KIF5C: variants seen among roughly 807,000 people sequenced by gnomAD.
KIF5C encodes kinesin family member 5C.
A neutral mutation model predicts 125.2 loss-of-function variants in KIF5C; 18 were observed. That is an observed-to-expected ratio of 0.14 (90% confidence interval 0.10 to 0.21). The LOEUF (loss-of-function observed/expected upper bound fraction) is 0.21, where lower values mean the gene tolerates loss of function less well. KIF5C is among the 10% of genes least tolerant of loss of function. The pLI is 1.00. For missense variants in KIF5C, 780 were observed against 1,183.8 expected, an observed-to-expected ratio of 0.66 and a Z score of 5.01; for synonymous variants, 405 against 434.0, an observed-to-expected ratio of 0.93 and a Z score of 0.83.
chr2:149,021,588 A>G (rs1682536059), intron 25 of KIF5C, among the ~76,000 whole-genome samples: 1 of 152,126 alleles, frequency 6.6e-6, no homozygotes, highest in African/African-American at 2.4e-5. Context: ...AAATCAGAAG[A>G]GTGAAGAAAA....
At chr2:148,932,189 A>AT (rs1682198415) in intron 3 of KIF5C, among the ~76,000 whole-genome samples, 1 of 152,154 alleles carries the variant, frequency 6.6e-6, no homozygotes, top group Admixed American at 6.6e-5. Context: ...TGAAAGGAGG[A>AT]TTTTATGTAT....
At chr2:148,889,538 G>C (rs188945668) in intron 1 of KIF5C, among the ~76,000 whole-genome samples, 1 of 152,122 alleles carries the variant, frequency 6.6e-6, no homozygotes, top group Admixed American at 6.5e-5. Flanking sequence ...GACTAACTCA[G>C]GGTTCTTCTC....
chr2:148,934,478 CACAG>C (rs1341233893), intron 3 of KIF5C, among the ~76,000 whole-genome samples: 1 of 151,430 alleles, frequency 6.6e-6, no homozygotes, highest in Non-Finnish European at 1.5e-5. Context: ...ACACCACACA[CACAG>C]AGACACCCCC....
chr2:148,990,533 A>G (rs1395825108), intron 15 of KIF5C, among the ~76,000 whole-genome samples: 1 of 152,258 alleles, frequency 6.6e-6, no homozygotes, highest in Non-Finnish European at 1.5e-5. Flanking sequence ...TTATAGAAAC[A>G]TATTCAAGGC....
chr2:148,962,969 G>A (rs989372535), intron 11 of KIF5C, among the ~76,000 whole-genome samples: 1 of 151,916 alleles, frequency 6.6e-6, no homozygotes, highest in Admixed American at 6.5e-5. Context: ...GGCTTGGTTC[G>A]TGACTCGTTT....
At position 148,983,729 on chromosome 2, in the gene KIF5C, A is replaced by C; in HGVS notation, c.1679A>C (p.Glu560Ala). 6.2e-7 allele frequency: 1 copy of C among 1,609,890 alleles called. No individual in the cohort carries two copies. The highest frequency in any genetic ancestry group is 8.5e-7 in the Non-Finnish European group (1 of 1,177,762). The change falls in exon 15 of 26, where the codon GAG (glutamate) becomes GCG (alanine). Residue 560 changes from glutamate to alanine, a missense_variant. Glu to Ala is a moderately radical substitution (Grantham distance 107). Coordinates refer to ENST00000435030, the MANE Select transcript of KIF5C (RefSeq NM_004522.3). ...ILNLLLKDLG[E>A]IGGIIGTNDV... Reference sequence around the variant, plus strand: ...AATTTGCTGTTGAAAGATCTGGGGGAGATAGGTGGAATTATTGGCACCAAT... The same window carrying C: ...AATTTGCTGTTGAAAGATCTGGGGGCGATAGGTGGAATTATTGGCACCAAT...
intron 25 of KIF5C, 31 bp downstream of exon 25, chr2:149,011,714 T>C: frequency 6.2e-7 from 1 of 1,613,458 alleles, no homozygotes; most frequent in East Asian, 2.2e-5. Context: ...GGTTTCTCTA[T>C]CTGGAGGCAG....
intron 21 of KIF5C, among the ~76,000 whole-genome samples, chr2:149,004,975 G>A (rs1396580161): frequency 6.6e-6 from 1 of 152,176 alleles, no homozygotes; most frequent in African/African-American, 2.4e-5. Context: ...GTTACGGTGA[G>A]ATATTGTGGC....
chr2:148,964,337 A>C (rs1376183898), intron 11 of KIF5C, among the ~76,000 whole-genome samples: 1 of 152,146 alleles, frequency 6.6e-6, no homozygotes, highest in Non-Finnish European at 1.5e-5. Flanking sequence ...GAGATCCTAC[A>C]TGAGCCTTTA....
At chr2:148,895,126 T>G (rs1179200279) in intron 1 of KIF5C, among the ~76,000 whole-genome samples, 5 of 151,978 alleles carry the variant, frequency 3.3e-5, no homozygotes, top group Non-Finnish European at 7.4e-5. Flanking sequence ...TCCCCCTCAC[T>G]CTGAAGCAAG....
intron 4 of KIF5C, among the ~76,000 whole-genome samples, chr2:148,941,185 T>G (rs145219367): frequency 3.6e-4 from 55 of 152,336 alleles, no homozygotes; most frequent in African/African-American, 1.3e-3. Flanking sequence ...CTAAACACAC[T>G]GCCCTTGCCC....
chr2:148,957,814 CAT>C (rs1162046990), intron 10 of KIF5C, among the ~76,000 whole-genome samples: 8 of 152,092 alleles, frequency 5.3e-5, no homozygotes, highest in Admixed American at 3.9e-4. Context: ...TATATATACA[CAT>C]GTGACCACCA....
chr2:148,997,317 T>C lies in KIF5C; in HGVS notation c.2077T>C (p.Leu693=). ...QDKEKEHLTR[L]QDAEEMKKAL... ...TAAGGAGAAGGAACATCTGACGCGG[T>C]TGCAGGATGCTGAAGAAATGAAGGT... Residue 693 remains leucine (L), a synonymous_variant, in exon 18 of 26, where the codon TTG becomes CTG. Coordinates refer to ENST00000435030, the MANE Select transcript of KIF5C (RefSeq NM_004522.3). 1 of 1,613,914 alleles carries C rather than the reference T, an allele frequency of 6.2e-7. No homozygotes were observed. Among genetic ancestry groups the C allele is most frequent in the Non-Finnish European group, 8.5e-7 (1 of 1,179,830 alleles).
At chr2:149,006,429 T>A (rs1682010012) in intron 22 of KIF5C, among the ~76,000 whole-genome samples, 1 of 152,026 alleles carries the variant, frequency 6.6e-6, no homozygotes, top group African/African-American at 2.4e-5. Flanking sequence ...TGGAAAGAAG[T>A]CACATTTGAT....
intron 2 of KIF5C, among the ~76,000 whole-genome samples, chr2:148,926,722 C>T (rs1456175957): frequency 6.6e-6 from 1 of 152,150 alleles, no homozygotes; most frequent in Non-Finnish European, 1.5e-5. Context: ...AAAAGAAGCC[C>T]CCAAAACCTG....
rs147553467 is a variant in KIF5C at position 148,981,623 on chromosome 2, A to G, written c.1569+62A>G. On this transcript the variant is annotated intron_variant, in intron 14 of 25. Transcript: ENST00000435030. Reference sequence around the variant, plus strand: ...GGCTGCCGTTCCTGTACTCATATTGATATTCATTGACAGACATGGTATAAG... The same window carrying G: ...GGCTGCCGTTCCTGTACTCATATTGGTATTCATTGACAGACATGGTATAAG... The G allele has an allele frequency of 3.2e-4, 479 of 1,498,326 alleles. 1 individual carries two copies. The African/African-American group carries it at 6.3e-3, about 20-fold the overall frequency. The allele number at this position is 1,498,326 out of a possible 1,614,324, so 92.8% of individuals were successfully genotyped here.
chr2:148,994,207 G>A (rs1681602730), intron 16 of KIF5C, among the ~76,000 whole-genome samples: 1 of 152,146 alleles, frequency 6.6e-6, no homozygotes, highest in South Asian at 2.1e-4. Context: ...GGTGTCTGTG[G>A]GGAATGAAGC....
At chr2:148,949,815 A>G in intron 8 of KIF5C, 24 bp from the exon 9 acceptor site, 1 of 1,612,056 alleles carries the variant, frequency 6.2e-7, no homozygotes. Flanking sequence ...TGTGCTGCTC[A>G]CTGCTTTCTT....
chr2:148,948,305 C>T (rs1418149682), intron 8 of KIF5C, among the ~76,000 whole-genome samples: 4 of 149,830 alleles, frequency 2.7e-5, no homozygotes, highest in Non-Finnish European at 4.4e-5. Context: ...TGCAGTGAGC[C>T]GAGATCGTGC....
Sources: gnomAD v4.1 joint callset for allele counts (sites outside exome capture counted in the v4.1 genomes callset) on GRCh38, gnomAD v4.1.1 for gene constraint, MANE v1.5 for transcripts, NCBI Gene and HGNC (gene_info 2026-07-23, HGNC 2026-07-21) for gene names.